The following SSBP2 variants were observed in gnomAD, a reference collection of about 807,000 sequenced individuals.
SSBP2 encodes the protein single stranded DNA binding protein 2.
SSBP2 carries 17 observed loss-of-function variants against 61.8 expected under a neutral mutation model. That is an observed-to-expected ratio of 0.28 (90% confidence interval 0.19 to 0.41). The LOEUF (loss-of-function observed/expected upper bound fraction) is 0.41, where lower values mean the gene tolerates loss of function less well. Ranked by LOEUF, SSBP2 falls within the 10% of genes least tolerant of loss-of-function variation. SSBP2 has a pLI of 1.00. For missense variants in SSBP2, 310 were observed against 458.7 expected (o/e 0.68, Z 2.96); for synonymous variants, 139 against 141.3 (o/e 0.98, Z 0.12).
intron 4 of SSBP2, among the ~76,000 whole-genome samples, chr5:81,569,443 A>G (rs1773681093): frequency 6.6e-6 from 1 of 152,198 alleles, no homozygotes; most frequent in African/African-American, 2.4e-5. Flanking sequence ...TACACATAGT[A>G]TATGTATGTA....
intron 4 of SSBP2, among the ~76,000 whole-genome samples, chr5:81,605,757 A>G (rs1027167165): frequency 6.6e-6 from 1 of 152,216 alleles, no homozygotes; most frequent in African/African-American, 2.4e-5. Context: ...CAGGCAAAGC[A>G]CTGAAAGCCA....
chr5:81,421,244 T>C (rs926650416), intron 16 of SSBP2, among the ~76,000 whole-genome samples: 1 of 152,166 alleles, frequency 6.6e-6, no homozygotes, highest in African/African-American at 2.4e-5. Context: ...CAGGCTGGAG[T>C]GCAGTGGTGT....
chr5:81,740,104 C>T (rs1167336473), intron 1 of SSBP2, among the ~76,000 whole-genome samples: 1 of 152,096 alleles, frequency 6.6e-6, no homozygotes. Flanking sequence ...ATATAATTGA[C>T]TCAGTAAAAT....
At chr5:81,673,650 AG>A (rs1274589347) in intron 1 of SSBP2, among the ~76,000 whole-genome samples, 1 of 152,224 alleles carries the variant, frequency 6.6e-6, no homozygotes, top group East Asian at 1.9e-4. Context: ...AAAAGAGACA[AG>A]TCAAGAGAAA....
Position 81,416,279 on chromosome 5 carries a change from C to T in SSBP2, c.*4225G>A, listed in dbSNP as rs971322588. 6.6e-6 allele frequency: 1 copy of T among 151,570 alleles called. No individual in the cohort carries two copies. Among genetic ancestry groups the T allele is most frequent in the Non-Finnish European group, 1.5e-5 (1 of 67,842 alleles). 9.4% of individuals were successfully genotyped at this position (151,570 alleles called of 1,614,324 possible). On this transcript the variant is annotated 3_prime_UTR_variant, in exon 17 of 17. Coordinates refer to ENST00000320672, the MANE Select transcript of SSBP2 (RefSeq NM_012446.5). Reference sequence around the variant, plus strand: ...CAGTGTCAAAACACTAAAATGCATTCCAAAATCAAAATCAAGTGGCTATGA... The same window carrying T: ...CAGTGTCAAAACACTAAAATGCATTTCAAAATCAAAATCAAGTGGCTATGA...
intron 1 of SSBP2, among the ~76,000 whole-genome samples, chr5:81,673,146 AT>A (rs1176078464): frequency 1.3e-5 from 2 of 152,116 alleles, no homozygotes; most frequent in Non-Finnish European, 2.9e-5. Context: ...CGGTCCAGAT[AT>A]TTACTTTCTA....
At chr5:81,421,228 G>A (rs544540286) in intron 16 of SSBP2, among the ~76,000 whole-genome samples, 1 of 152,292 alleles carries the variant, frequency 6.6e-6, no homozygotes, top group Admixed American at 6.5e-5. Context: ...GTCTCACTCT[G>A]TCACTCAGGC....
chr5:81,681,457 T>C (rs1427424377), intron 1 of SSBP2, among the ~76,000 whole-genome samples: 1 of 150,252 alleles, frequency 6.7e-6, no homozygotes, highest in East Asian at 2.0e-4. Flanking sequence ...CAGGCAGAGG[T>C]TGCAGTGAGC....
At position 81,418,349 on chromosome 5, in the gene SSBP2, A is replaced by G. The variant is rs556710651; in HGVS notation, c.*2155T>C. The G allele has an allele frequency of 6.6e-6, 1 of 152,336 alleles. No homozygotes were observed. Among genetic ancestry groups the G allele is most frequent in the Admixed American group, 6.5e-5 (1 of 15,300 alleles). The allele number at this position is 152,336 out of a possible 1,614,324, so 9.4% of individuals were successfully genotyped here. A position where few individuals can be genotyped will look rare whatever the true frequency, so the allele number is the denominator to read the frequency against. On this transcript the variant is annotated 3_prime_UTR_variant, in exon 17 of 17. Coordinates refer to ENST00000320672, the MANE Select transcript of SSBP2 (RefSeq NM_012446.5). ...CCTGAATACTGTGTGTGATTAACTG[A>G]GGCTCATTTTATGATAGTTTAAATC...
chr5:81,623,991 T>G (rs1746891748), intron 3 of SSBP2, among the ~76,000 whole-genome samples: 1 of 152,166 alleles, frequency 6.6e-6, no homozygotes, highest in African/African-American at 2.4e-5. Context: ...AAAACATGTC[T>G]CATGGCAAGC....
intron 1 of SSBP2, among the ~76,000 whole-genome samples, chr5:81,651,075 C>T (rs771959622): frequency 3.3e-5 from 5 of 152,092 alleles, no homozygotes; most frequent in Non-Finnish European, 4.4e-5. Flanking sequence ...TTTGAAGCTA[C>T]ACCATGTGGC....
chr5:81,490,228 A>G (rs886595138), intron 5 of SSBP2, among the ~76,000 whole-genome samples: 2 of 152,134 alleles, frequency 1.3e-5, no homozygotes. Context: ...AATTGTCTGA[A>G]AAGTATCCTA....
intron 1 of SSBP2, among the ~76,000 whole-genome samples, chr5:81,694,267 G>A (rs1266664375): frequency 2.0e-5 from 3 of 152,040 alleles, no homozygotes; most frequent in Admixed American, 2.0e-4. Flanking sequence ...AGTACAACAG[G>A]GTACCTGCAG....
chr5:81,442,408 A>T (rs529038835), intron 13 of SSBP2, among the ~76,000 whole-genome samples: 1 of 152,226 alleles, frequency 6.6e-6, no homozygotes, highest in South Asian at 2.1e-4. Flanking sequence ...CAATAAAATA[A>T]GATGAAACTA....
intron 1 of SSBP2, among the ~76,000 whole-genome samples, chr5:81,722,337 G>A (rs1011594845): frequency 2.0e-5 from 3 of 151,016 alleles, no homozygotes; most frequent in African/African-American, 7.3e-5. Context: ...CAGGCACATT[G>A]TGAAAGTTCC....
At chr5:81,716,034 G>T (rs1202331368) in intron 1 of SSBP2, among the ~76,000 whole-genome samples, 26 of 151,862 alleles carry the variant, frequency 1.7e-4, no homozygotes, top group African/African-American at 5.8e-4. Flanking sequence ...TTCAGCCTGG[G>T]TGACAGAGTG....
At chr5:81,495,146 C>A (rs888966386) in intron 5 of SSBP2, among the ~76,000 whole-genome samples, 1 of 152,092 alleles carries the variant, frequency 6.6e-6, no homozygotes, top group African/African-American at 2.4e-5. Context: ...CCAGCTCTTT[C>A]TTCATATTAG....
At chr5:81,673,373 G>T (rs778493692) in intron 1 of SSBP2, among the ~76,000 whole-genome samples, 3 of 152,002 alleles carry the variant, frequency 2.0e-5, no homozygotes, top group Non-Finnish European at 4.4e-5. Context: ...AAAGAATAGG[G>T]AACTCTGAAA....
chr5:81,677,039 T>C (rs917530174), intron 1 of SSBP2, among the ~76,000 whole-genome samples: 2 of 152,206 alleles, frequency 1.3e-5, no homozygotes, highest in African/African-American at 4.8e-5. Flanking sequence ...GGGTAAAGTG[T>C]TATGATCTTC....
Sources: allele counts gnomAD v4.1 joint callset (sites outside exome capture counted in the v4.1 genomes callset), GRCh38; gene constraint gnomAD v4.1.1; transcripts MANE v1.5; gene names NCBI Gene and HGNC (gene_info 2026-07-23, HGNC 2026-07-21).